The following GLG1 variants were observed in gnomAD, a reference collection of about 807,000 sequenced individuals.
The protein encoded by GLG1 is golgi glycoprotein 1, also known as Golgi apparatus protein 1.
GLG1 carries 38 observed loss-of-function variants against 160.5 expected under a neutral mutation model. The ratio of observed to expected loss-of-function variants is 0.24; its 90% confidence interval spans 0.18 to 0.31. GLG1 has a LOEUF of 0.31. Among genes scored for constraint, GLG1 ranks in the 10% least tolerant of loss-of-function variants. The pLI is 1.00. For missense variants in GLG1, 1,373 were observed against 1,505.2 expected, an observed-to-expected ratio of 0.91 and a Z score of 1.45; for synonymous variants, 644 against 543.4, an observed-to-expected ratio of 1.19 and a Z score of -2.57.
chr16:74,544,645 C>T (rs145098133), intron 1 of GLG1, among the ~76,000 whole-genome samples: 7 of 152,220 alleles, frequency 4.6e-5, no homozygotes, highest in African/African-American at 1.7e-4. Flanking sequence ...TGATTACAGG[C>T]GCGTGCCACC....
intron 4 of GLG1, among the ~76,000 whole-genome samples, chr16:74,498,472 T>TATATATATATAATA (rs1361056131): frequency 3.3e-5 from 1 of 30,746 alleles, no homozygotes; most frequent in Non-Finnish European, 7.6e-5. Context: ...ATATATTATA[T>TATATATATATAATA]TTTATATATA....
In GLG1 at chr16:74,503,516, C is replaced by T. The variant is rs372584743; in HGVS notation, c.774+15G>A. 1.1e-5 allele frequency: 17 copies of T among 1,529,352 alleles called. No individual in the cohort carries two copies. The highest frequency in any genetic ancestry group is 4.1e-5 in the African/African-American group (3 of 73,242). The allele number at this position is 1,529,352 out of a possible 1,614,324, so 94.7% of individuals were successfully genotyped here. On this transcript the variant is annotated intron_variant, in intron 4 of 25. Transcript: ENST00000422840. ...TTTAAGACCCCTTTGTTGAAGCTAA[C>T]GTAGTATTAGATACCTTTTCTCCAA...
At chr16:74,574,883 C>CAAAAAAAAAAAAAAAAAAAAAAAAAAA (rs531720341) in intron 1 of GLG1, among the ~76,000 whole-genome samples, 1 of 24,792 alleles carries the variant, frequency 4.0e-5, no homozygotes, top group African/African-American at 2.5e-4. Flanking sequence ...GACTCTGTCT[C>CAAAAAAAAAAAAAAAAAAAAAAAAAAA]AAAAAAAAAA....
intron 2 of GLG1, among the ~76,000 whole-genome samples, chr16:74,531,360 C>T (rs969197619): frequency 6.6e-6 from 1 of 152,166 alleles, no homozygotes; most frequent in Non-Finnish European, 1.5e-5. Context: ...GCTCTGTTGC[C>T]CAGGCTGGAG....
At chr16:74,511,626 A>G (rs1049601677) in intron 2 of GLG1, among the ~76,000 whole-genome samples, 28 of 151,622 alleles carry the variant, frequency 1.8e-4, no homozygotes, top group South Asian at 6.2e-4. Context: ...AAAGAAAAGA[A>G]AAGCTTTCTG....
At chr16:74,495,204 C>A (rs1276486040) in intron 5 of GLG1, among the ~76,000 whole-genome samples, 1 of 151,260 alleles carries the variant, frequency 6.6e-6, no homozygotes, top group African/African-American at 2.4e-5. Context: ...ACCTCTGCCT[C>A]CTGGGTTCAA....
At chr16:74,505,019 G>A (rs964172285) in intron 3 of GLG1, among the ~76,000 whole-genome samples, 5 of 152,218 alleles carry the variant, frequency 3.3e-5, no homozygotes, top group Admixed American at 6.5e-5. Context: ...ACAAGAGGAA[G>A]GAGTTAAATG....
chr16:74,550,382 T>C (rs941158979), intron 1 of GLG1, among the ~76,000 whole-genome samples: 4 of 152,000 alleles, frequency 2.6e-5, no homozygotes, highest in African/African-American at 4.8e-5. Context: ...GGTCAATATG[T>C]TGGCTTACAA....
intron 2 of GLG1, among the ~76,000 whole-genome samples, chr16:74,524,195 C>A (rs141709256): frequency 6.6e-6 from 1 of 151,848 alleles, no homozygotes; most frequent in East Asian, 1.9e-4. Flanking sequence ...GGTGACAGAG[C>A]GACACTTCAT....
chr16:74,451,952 C>A lies in GLG1; in HGVS notation c.*1215G>T. On this transcript the variant is annotated 3_prime_UTR_variant, in exon 26 of 26. Transcript: ENST00000422840. ...AGCAAATGGACAGAAAGAAAAAAAACAGAGCAAATCCTCCATCTTTTAATG... is the reference window on the plus strand; with the variant it reads ...AGCAAATGGACAGAAAGAAAAAAAAAAGAGCAAATCCTCCATCTTTTAATG... 5 of 863,122 alleles carry A rather than the reference C, an allele frequency of 5.8e-6. No individual in the cohort carries two copies. Among genetic ancestry groups the A allele is most frequent in the Non-Finnish European group, 5.8e-6 (3 of 515,668 alleles). The allele number at this position is 863,122 out of a possible 1,614,324, so 53.5% of individuals were successfully genotyped here. A position where few individuals can be genotyped will look rare whatever the true frequency, so the allele number is the denominator to read the frequency against.
chr16:74,528,169 T>C lies in GLG1; in HGVS notation c.471+3952A>G, dbSNP rs561599048. 2.0e-4 allele frequency among the ~76,000 whole-genome samples: 31 copies of C among 152,060 alleles called. No individual in the cohort carries two copies. The South Asian group carries it at 5.0e-3, about 24-fold the overall frequency. On this transcript the variant is annotated intron_variant, in intron 2 of 25. Coordinates refer to ENST00000422840, the MANE Select transcript of GLG1 (RefSeq NM_001145667.2). Reference sequence around the variant, plus strand: ...GGCGTGAGCCACAAAACCTGGCCATTTTTGTATTTTTAATAGAGACAGGAT... The same window carrying C: ...GGCGTGAGCCACAAAACCTGGCCATCTTTGTATTTTTAATAGAGACAGGAT...
chr16:74,537,216 T>C (rs1382284174), intron 1 of GLG1, among the ~76,000 whole-genome samples: 1 of 151,862 alleles, frequency 6.6e-6, no homozygotes, highest in Non-Finnish European at 1.5e-5. Flanking sequence ...AATGCATCAG[T>C]GACTAAAACA....
intron 2 of GLG1, among the ~76,000 whole-genome samples, chr16:74,516,952 G>C (rs2143534869): frequency 6.6e-6 from 1 of 152,254 alleles, no homozygotes; most frequent in South Asian, 2.1e-4. Flanking sequence ...AGAAAATCTA[G>C]AAGAAATGGA....
chr16:74,468,901 CCTGGCCCACTGTGGTTT>C, intron 17 of GLG1, 28 bp downstream of exon 17: 2 of 1,201,034 alleles, frequency 1.7e-6, no homozygotes, highest in Non-Finnish European at 2.5e-6. Context: ...CTTTCCAAGC[CCTGGCCCACTGTGGTTT>C]CTGGGAGCAG....
chr16:74,565,837 A>G (rs1278468549), intron 1 of GLG1, among the ~76,000 whole-genome samples: 1 of 152,178 alleles, frequency 6.6e-6, no homozygotes. Context: ...GCCTAATACA[A>G]ACCAAACTAA....
chr16:74,582,169 TTTTG>T (rs1349474530), intron 1 of GLG1, among the ~76,000 whole-genome samples: 1 of 152,094 alleles, frequency 6.6e-6, no homozygotes, highest in Non-Finnish European at 1.5e-5. Flanking sequence ...TAATCTGTTT[TTTTG>T]TTTGTTTTTT....
chr16:74,602,431 A>G (rs1958459399), intron 1 of GLG1, among the ~76,000 whole-genome samples: 1 of 152,228 alleles, frequency 6.6e-6, no homozygotes, highest in African/African-American at 2.4e-5. Context: ...AGTATTTGAA[A>G]TGACAGTATC....
At chr16:74,565,426 G>A (rs1415994037) in intron 1 of GLG1, among the ~76,000 whole-genome samples, 1 of 152,182 alleles carries the variant, frequency 6.6e-6, no homozygotes, top group African/African-American at 2.4e-5. Context: ...TTAAGTTCGG[G>A]CCTAAAGATT....
chr16:74,466,101 T>A (rs1316694499), intron 18 of GLG1, among the ~76,000 whole-genome samples: 2 of 152,302 alleles, frequency 1.3e-5, no homozygotes, highest in East Asian at 3.9e-4. Context: ...GAGCTGCTCC[T>A]TGTCCACATT....
Sources: allele counts gnomAD v4.1 joint callset (sites outside exome capture counted in the v4.1 genomes callset), GRCh38; gene constraint gnomAD v4.1.1; transcripts MANE v1.5; gene names NCBI Gene and HGNC (gene_info 2026-07-23, HGNC 2026-07-21).